Variants in TENM2 observed in about 807,000 individuals in gnomAD.
TENM2 encodes the protein teneurin-2.
TENM2 carries 52 observed loss-of-function variants against 245.2 expected under a neutral mutation model. The ratio of observed to expected loss-of-function variants is 0.21; its 90% CI spans 0.17 to 0.27. TENM2 has a LOEUF of 0.27. Ranked by LOEUF, TENM2 falls within the 10% of genes least tolerant of loss-of-function variation. The pLI, the probability that TENM2 is intolerant of heterozygous loss-of-function variation, is 1.00. For synonymous variants in TENM2, 1,363 were observed against 1,438.9 expected (o/e 0.95, Z 1.19); for missense variants, 3,046 against 3,666.8 (o/e 0.83, Z 4.37).
intron 3 of TENM2, among the ~76,000 whole-genome samples, chr5:167,904,345 C>T (rs1368812104): frequency 1.3e-5 from 2 of 152,110 alleles, no homozygotes; most frequent in Non-Finnish European, 2.9e-5. Context: ...GACTCTATGT[C>T]TTGGTTTCTT....
chr5:167,941,560 T>A (rs1779180275), intron 3 of TENM2, among the ~76,000 whole-genome samples: 1 of 151,968 alleles, frequency 6.6e-6, no homozygotes, highest in African/African-American at 2.4e-5. Context: ...GAAATAATAA[T>A]CCTGGCTGGG....
the TENM2 span, among the ~76,000 whole-genome samples, chr5:167,245,611 A>G: frequency 3.9e-5 from 6 of 152,090 alleles, no homozygotes; most frequent in African/African-American, 7.2e-5. Context: ...TTTTTCAAAA[A>G]CCTGATTATT....
At chr5:167,089,619 A>G in the TENM2 span, among the ~76,000 whole-genome samples, 2 of 152,068 alleles carry the variant, frequency 1.3e-5, no homozygotes, top group Non-Finnish European at 2.9e-5. Context: ...CTTAAAACAT[A>G]CCAAATTTAG....
chr5:168,170,634 A>G (rs1758727920), intron 13 of TENM2, among the ~76,000 whole-genome samples: 1 of 152,180 alleles, frequency 6.6e-6, no homozygotes, highest in South Asian at 2.1e-4. Flanking sequence ...TTGAGAGCTT[A>G]CATGTGCCAA....
chr5:167,435,981 T>C (rs936203570), intron 2 of TENM2, among the ~76,000 whole-genome samples: 32 of 144,510 alleles, frequency 2.2e-4, no homozygotes, highest in South Asian at 6.7e-4. Flanking sequence ...TTTTCTTTTT[T>C]TTTTTTTTTT....
intron 21 of TENM2, among the ~76,000 whole-genome samples, chr5:168,216,432 ACTT>A (rs1269348078): frequency 6.6e-6 from 1 of 152,220 alleles, no homozygotes; most frequent in African/African-American, 2.4e-5. Flanking sequence ...TTAGGAAATA[ACTT>A]CTTTTCTAAG....
intron 2 of TENM2, among the ~76,000 whole-genome samples, chr5:167,551,325 T>C (rs1772923880): frequency 6.6e-6 from 1 of 152,170 alleles, no homozygotes; most frequent in Admixed American, 6.5e-5. Context: ...TGCACTCACT[T>C]TCCCATGGAA....
At chr5:167,835,996 T>G (rs1258403813) in intron 2 of TENM2, among the ~76,000 whole-genome samples, 1 of 152,226 alleles carries the variant, frequency 6.6e-6, no homozygotes, top group Non-Finnish European at 1.5e-5. Context: ...GTTTGATTTT[T>G]GTTTTGAACC....
intron 7 of TENM2, among the ~76,000 whole-genome samples, chr5:168,081,801 C>G (rs1792029570): frequency 6.6e-6 from 1 of 152,238 alleles, no homozygotes; most frequent in Non-Finnish European, 1.5e-5. Flanking sequence ...GAGAGATCCA[C>G]TGTTAGTCTG....
At chr5:167,271,417 T>C in the TENM2 span, among the ~76,000 whole-genome samples, 1 of 151,950 alleles carries the variant, frequency 6.6e-6, no homozygotes, top group Admixed American at 6.6e-5. Flanking sequence ...AACCATGCTG[T>C]CTTTCTTGAA....
chr5:167,613,642 C>T (rs896050551), intron 2 of TENM2, among the ~76,000 whole-genome samples: 1 of 151,992 alleles, frequency 6.6e-6, no homozygotes, highest in African/African-American at 2.4e-5. Flanking sequence ...TACATAAATC[C>T]AAGCCCCAGG....
chr5:168,261,214 C>T (rs1439233189), intron 28 of TENM2, among the ~76,000 whole-genome samples: 2 of 152,080 alleles, frequency 1.3e-5, no homozygotes, highest in Non-Finnish European at 2.9e-5. Context: ...CCAGCCTGTC[C>T]CCCAACCACC....
chr5:166,989,309 G>C, the TENM2 span, among the ~76,000 whole-genome samples: 1 of 140,168 alleles, frequency 7.1e-6, no homozygotes, highest in Non-Finnish European at 1.5e-5. Context: ...TGCCAGGCTG[G>C]AGTGCAGTGG....
chr5:167,146,160 G>A, the TENM2 span, among the ~76,000 whole-genome samples: 1 of 152,108 alleles, frequency 6.6e-6, no homozygotes, highest in Non-Finnish European at 1.5e-5. Flanking sequence ...GTCCTTCTGG[G>A]ACCCAATTAT....
chr5:167,545,008 G>T (rs1772462233), intron 2 of TENM2, among the ~76,000 whole-genome samples: 1 of 152,050 alleles, frequency 6.6e-6, no homozygotes, highest in Non-Finnish European at 1.5e-5. Context: ...ACTGCTCAGT[G>T]ACCCTTTTCA....
chr5:167,310,102 G>A (rs752074081), intron 1 of TENM2, among the ~76,000 whole-genome samples: 2 of 152,222 alleles, frequency 1.3e-5, no homozygotes, highest in Non-Finnish European at 2.9e-5. Flanking sequence ...CAGATTTACT[G>A]TCCCAAAGCG....
intron 2 of TENM2, among the ~76,000 whole-genome samples, chr5:167,779,149 C>A (rs1764008976): frequency 6.6e-6 from 1 of 152,192 alleles, no homozygotes; most frequent in South Asian, 2.1e-4. Flanking sequence ...AGCGGGCCAG[C>A]AGTGGTGAGC....
chr5:167,411,617 TGA>T (rs1208259646), intron 2 of TENM2, among the ~76,000 whole-genome samples: 1 of 150,426 alleles, frequency 6.6e-6, no homozygotes. Context: ...TGTATGTATG[TGA>T]GAGAGAGAGA....
At chr5:167,195,418 G>A in the TENM2 span, among the ~76,000 whole-genome samples, 1 of 151,934 alleles carries the variant, frequency 6.6e-6, no homozygotes, top group African/African-American at 2.4e-5. Context: ...GAAGATCAGG[G>A]ATCCACAATT....
Sources: gnomAD v4.1 joint callset for allele counts (sites outside exome capture counted in the v4.1 genomes callset) on GRCh38, gnomAD v4.1.1 for gene constraint, MANE v1.5 for transcripts, NCBI Gene and HGNC (gene_info 2026-07-23, HGNC 2026-07-21) for gene names.